The following NELL2 variants were observed in gnomAD, a reference collection of about 807,000 sequenced individuals.
The protein encoded by NELL2 is protein kinase C-binding protein NELL2.
In NELL2, 41 loss-of-function variants were observed where a neutral mutation model predicts 109.6. The ratio of observed to expected loss-of-function variants is 0.37; its 90% CI spans 0.29 to 0.49. NELL2 has a LOEUF of 0.49. Ranked by LOEUF, NELL2 falls within the 20% of genes least tolerant of loss-of-function variation. The pLI is 0.98. For missense variants in NELL2, 900 were observed against 1,008.3 expected (o/e 0.89, Z 1.45); for synonymous variants, 355 against 344.7 (o/e 1.03, Z -0.33).
intron 15 of NELL2, among the ~76,000 whole-genome samples, chr12:44,550,287 T>C (rs575789599): frequency 1.3e-5 from 2 of 152,118 alleles, no homozygotes; most frequent in South Asian, 4.1e-4. Context: ...AAAAATACAA[T>C]GACTACATAT....
chr12:44,703,445 T>C (rs896812567), intron 12 of NELL2, among the ~76,000 whole-genome samples: 1 of 152,180 alleles, frequency 6.6e-6, no homozygotes, highest in South Asian at 2.1e-4. Context: ...ATGTGAGCTA[T>C]CTGAATATCT....
At chr12:44,572,318 A>T (rs921021613) in intron 15 of NELL2, among the ~76,000 whole-genome samples, 64 of 152,014 alleles carry the variant, frequency 4.2e-4, no homozygotes, top group African/African-American at 1.5e-3. Flanking sequence ...ATTAAAAAAA[A>T]ATTTTTTTTT....
intron 13 of NELL2, among the ~76,000 whole-genome samples, chr12:44,635,559 G>C (rs1946608270): frequency 6.6e-6 from 1 of 152,116 alleles, no homozygotes; most frequent in African/African-American, 2.4e-5. Context: ...CCCATTGCTT[G>C]TTTTTCTCAG....
chr12:44,917,570 C>A (rs557081875), upstream of NELL2, among the ~76,000 whole-genome samples: 1 of 152,292 alleles, frequency 6.6e-6, no homozygotes, highest in African/African-American at 2.4e-5. Flanking sequence ...CCTGTATAAT[C>A]CCCTCCCATT....
intron 9 of NELL2, among the ~76,000 whole-genome samples, chr12:44,755,319 A>T (rs10880672): frequency 1.3e-5 from 2 of 151,638 alleles, no homozygotes; most frequent in Non-Finnish European, 2.9e-5. Flanking sequence ...CCCACAAAAA[A>T]TATCTGCTCT....
At chr12:44,587,962 T>G (rs554824438) in intron 15 of NELL2, among the ~76,000 whole-genome samples, 79 of 152,116 alleles carry the variant, frequency 5.2e-4, no homozygotes, top group African/African-American at 1.3e-3. Context: ...CCATCCTGGC[T>G]AACATGGTGA....
intron 15 of NELL2, among the ~76,000 whole-genome samples, chr12:44,599,716 AGTC>A (rs1945123341): frequency 1.3e-5 from 2 of 152,312 alleles, no homozygotes; most frequent in Admixed American, 6.5e-5. Flanking sequence ...CTTCAGATTC[AGTC>A]GTCTAAAGGA....
intron 3 of NELL2, among the ~76,000 whole-genome samples, chr12:44,811,164 TG>T (rs1256455351): frequency 6.6e-6 from 1 of 151,542 alleles, no homozygotes; most frequent in Non-Finnish European, 1.5e-5. Context: ...CATCACACAC[TG>T]GGCCTCGCAA....
At chr12:44,841,506 T>C (rs1295631565) in intron 2 of NELL2, among the ~76,000 whole-genome samples, 1 of 152,130 alleles carries the variant, frequency 6.6e-6, no homozygotes, top group African/African-American at 2.4e-5. Context: ...TGGGAAACAA[T>C]CACATAGCTA....
intron 15 of NELL2, among the ~76,000 whole-genome samples, chr12:44,536,216 A>G (rs1942288023): frequency 6.6e-6 from 1 of 152,016 alleles, no homozygotes; most frequent in Admixed American, 6.6e-5. Flanking sequence ...GATGGTATGC[A>G]TATCCTTATT....
intron 1 of NELL2, among the ~76,000 whole-genome samples, chr12:44,921,200 G>T (rs268034): frequency 0.99 from 151,480 of 152,326 alleles, 75,321 homozygotes; most frequent in East Asian, 1. Context: ...TCTTCTCATT[G>T]AAACCATGAC....
At chr12:44,862,511 CTGA>C (rs1256547679) in intron 2 of NELL2, among the ~76,000 whole-genome samples, 15 of 152,148 alleles carry the variant, frequency 9.9e-5, no homozygotes, top group Admixed American at 5.9e-4. Context: ...TCAAATAATT[CTGA>C]TGTTAGTTCT....
intron 1 of NELL2, among the ~76,000 whole-genome samples, chr12:44,909,459 A>T (rs563706080): frequency 6.6e-6 from 1 of 152,092 alleles, no homozygotes; most frequent in African/African-American, 2.4e-5. Flanking sequence ...ATGGAAATAT[A>T]TGACATGCTC....
chr12:44,519,954 C>A, intron 19 of NELL2, 51 bp downstream of exon 19: 1 of 1,499,648 alleles, frequency 6.7e-7, no homozygotes, highest in South Asian at 1.1e-5. Context: ...TATCTATGAG[C>A]CCTGGGTGCA....
intron 2 of NELL2, among the ~76,000 whole-genome samples, chr12:44,816,782 T>C (rs1592591473): frequency 6.6e-6 from 1 of 152,186 alleles, no homozygotes. Flanking sequence ...AGAGAAAGCC[T>C]AGCCAAGGGA....
At chr12:44,522,975 A>T (rs1941607496) in intron 17 of NELL2, 1 of 304,628 alleles carries the variant, frequency 3.3e-6, no homozygotes, top group African/African-American at 2.2e-5. Context: ...ATTGAATCTC[A>T]AAAACATAAT....
intron 2 of NELL2, among the ~76,000 whole-genome samples, chr12:44,836,898 G>C (rs1944070136): frequency 6.6e-6 from 1 of 152,152 alleles, no homozygotes; most frequent in South Asian, 2.1e-4. Flanking sequence ...ATTTTGAGAG[G>C]AGGCGGGCAT....
chr12:44,675,047 T>C (rs1948259979), intron 12 of NELL2, among the ~76,000 whole-genome samples: 1 of 152,206 alleles, frequency 6.6e-6, no homozygotes, highest in African/African-American at 2.4e-5. Context: ...AGTGTCCTCA[T>C]TTACAATGGT....
chr12:44,553,470 T>C (rs1592108730), intron 15 of NELL2, among the ~76,000 whole-genome samples: 2 of 152,222 alleles, frequency 1.3e-5, no homozygotes, highest in African/African-American at 4.8e-5. Context: ...CCTTCACAAA[T>C]ATATAAAGTG....
Sources: gnomAD v4.1 joint callset for allele counts (sites outside exome capture counted in the v4.1 genomes callset) on GRCh38, gnomAD v4.1.1 for gene constraint, MANE v1.5 for transcripts, NCBI Gene and HGNC (gene_info 2026-07-23, HGNC 2026-07-21) for gene names.